The following USP25 variants were observed in gnomAD, a reference collection of about 807,000 sequenced individuals.
USP25 encodes ubiquitin specific peptidase 25, also known as ubiquitin carboxyl-terminal hydrolase 25.
In USP25, 85 loss-of-function variants were observed where a neutral mutation model predicts 158.5. The observed-to-expected ratio is 0.54, with a 90% confidence interval of 0.45 to 0.64. The LOEUF (loss-of-function observed/expected upper bound fraction) is 0.64. USP25 is among the 30% of genes least tolerant of loss of function. The probability of loss-of-function intolerance (pLI) is 0.00; values close to 1 mark genes in which losing one functional copy is unlikely to be tolerated. For synonymous variants in USP25, 464 were observed against 460.4 expected (o/e 1.01, Z -0.10); for missense variants, 1,242 against 1,327.3 (o/e 0.94, Z 1.00).
At position 15,750,829 on chromosome 21, in the gene USP25, A is replaced by G. The variant is rs565175718; in HGVS notation, c.46-12062A>G. 4.7e-5 allele frequency among the ~76,000 whole-genome samples: 7 copies of G among 148,898 alleles called. No homozygotes were observed. In the South Asian group the frequency reaches 8.4e-4, roughly 18 times the overall value. On this transcript the variant is annotated intron_variant, in intron 1 of 25. Coordinates refer to ENST00000400183, the MANE Select transcript of USP25 (RefSeq NM_001283041.3). Reference sequence around the variant, plus strand: ...CACCGTGTTAGCCAGGATGGTCTCAATCTCCTGACCTTGTGATCCGTCTGC... The same window carrying G: ...CACCGTGTTAGCCAGGATGGTCTCAGTCTCCTGACCTTGTGATCCGTCTGC...
Position 15,874,428 on chromosome 21 carries a change from A to G in USP25, c.2911A>G (p.Ile971Val), listed in dbSNP as rs538889339. Reference sequence around the variant, plus strand: ...TTATATAGATTCCTTGCTGTTCCTCATCTGTGCTTATCAGAATAACAAAGA... The same window carrying G: ...TTATATAGATTCCTTGCTGTTCCTCGTCTGTGCTTATCAGAATAACAAAGA... ...ESYIDSLLFL[I>V]CAYQNNKELL... Residue 971 changes from isoleucine (I) to valine (V), a missense_variant, in exon 24 of 26, where the codon ATC (isoleucine) becomes GTC (valine). By Grantham distance (29) the Ile-to-Val change is conservative. Around this residue, in one of 3 missense-constraint regions of USP25, gnomAD observed 608 missense variants for 605.2 expected, o/e 1.00. Transcript: ENST00000400183. 9.9e-6 allele frequency: 16 copies of G among 1,608,980 alleles called. No individual in the cohort carries two copies. Among genetic ancestry groups the G allele is most frequent in the Non-Finnish European group, 1.2e-5 (14 of 1,177,060 alleles).
intron 3 of USP25, chr21:15,773,125 A>G (rs2034449388): frequency 6.6e-6 from 1 of 152,226 alleles, no homozygotes; most frequent in African/African-American, 2.4e-5. Context: ...AAGGACTACT[A>G]TTCCTCTATA....
intron 4 of USP25, among the ~76,000 whole-genome samples, chr21:15,790,940 T>C (rs539985835): frequency 6.6e-5 from 10 of 152,010 alleles, no homozygotes; most frequent in East Asian, 1.9e-4. Context: ...AGGCAAACTT[T>C]TGGGCAAGGC....
At chr21:15,740,632 T>C (rs2031947894) in intron 1 of USP25, among the ~76,000 whole-genome samples, 1 of 147,672 alleles carries the variant, frequency 6.8e-6, no homozygotes, top group African/African-American at 2.5e-5. Context: ...TTCCTGTTTC[T>C]TTCTGGCTGT....
At chr21:15,763,074 T>G (rs1055983626) in intron 2 of USP25, 106 bp downstream of exon 2, 2 of 1,019,584 alleles carry the variant, frequency 2.0e-6, no homozygotes, top group African/African-American at 3.3e-5. Flanking sequence ...TGTGGTAGTT[T>G]TAGAGATACA....
intron 10 of USP25, among the ~76,000 whole-genome samples, chr21:15,822,596 A>C (rs144598929): frequency 1.3e-5 from 2 of 151,954 alleles, no homozygotes; most frequent in Non-Finnish European, 2.9e-5. Flanking sequence ...CTTGAAATCT[A>C]CTTTCTTGTT....
chr21:15,741,810 ACAATTTTTTTTGTTT>A (rs2032084216), intron 1 of USP25, among the ~76,000 whole-genome samples: 2 of 152,218 alleles, frequency 1.3e-5, no homozygotes, highest in African/African-American at 4.8e-5. Context: ...TTGAGATTGC[ACAATTTTTTTTGTTT>A]GCTTGTTTAA....
intron 4 of USP25, among the ~76,000 whole-genome samples, chr21:15,782,985 A>G (rs1487919708): frequency 6.6e-6 from 1 of 152,216 alleles, no homozygotes; most frequent in African/African-American, 2.4e-5. Context: ...TTGTAAGAGA[A>G]TACAACAATT....
chr21:15,863,791 C>CT (rs2039533892), intron 20 of USP25, among the ~76,000 whole-genome samples: 1 of 150,904 alleles, frequency 6.6e-6, no homozygotes, highest in African/African-American at 2.4e-5. Flanking sequence ...AATCCCAGCA[C>CT]TTTGGGAGGC....
intron 7 of USP25, among the ~76,000 whole-genome samples, chr21:15,808,190 C>A (rs779098580): frequency 6.6e-6 from 1 of 152,092 alleles, no homozygotes; most frequent in Non-Finnish European, 1.5e-5. Flanking sequence ...TTCCAACTCA[C>A]GTTATTGAAA....
chr21:15,780,895 G>C (rs191742971), intron 4 of USP25, among the ~76,000 whole-genome samples: 6 of 152,340 alleles, frequency 3.9e-5, no homozygotes, highest in Admixed American at 1.3e-4. Flanking sequence ...GAGGATTTCG[G>C]TGCTCAATAA....
intron 23 of USP25, among the ~76,000 whole-genome samples, chr21:15,873,525 G>T (rs895315376): frequency 6.6e-6 from 1 of 151,186 alleles, no homozygotes; most frequent in Non-Finnish European, 1.5e-5. Flanking sequence ...TTTTGAGACG[G>T]AGTTTTGCTC....
At chr21:15,828,274 A>AATCAAGCAAATAGTGTTGATGAAG (rs2037624684) in intron 14 of USP25, among the ~76,000 whole-genome samples, 1 of 152,214 alleles carries the variant, frequency 6.6e-6, no homozygotes, top group South Asian at 2.1e-4. Context: ...AACAAACATT[A>AATCAAGCAAATAGTGTTGATGAAG]ATCAAGCAAA....
chr21:15,859,705 A>G (rs2039332288), intron 20 of USP25, among the ~76,000 whole-genome samples: 1 of 151,988 alleles, frequency 6.6e-6, no homozygotes, highest in African/African-American at 2.4e-5. Flanking sequence ...ATTTTTCTAG[A>G]TTATTATCTG....
rs776724432 is a variant in USP25 at position 15,842,408 on chromosome 21, A to G, written c.2205A>G (p.Ala735=). 5.6e-6 allele frequency: 9 copies of G among 1,613,426 alleles called. No individual in the cohort carries two copies. Among genetic ancestry groups the G allele is most frequent in the Non-Finnish European group, 7.6e-6 (9 of 1,179,678 alleles). ...TCTTTTCTCATGAAGCACAAGCAGCAGGAGACCCAGAATATCTAGAGCAGC... is the reference window on the plus strand; with the variant it reads ...TCTTTTCTCATGAAGCACAAGCAGCGGGAGACCCAGAATATCTAGAGCAGC... The part of the protein sequence containing the change: ...SETSVTTAQA[A]GDPEYLEQPS... Residue 735 remains alanine (A), a synonymous_variant, in exon 18 of 26, where the codon GCA becomes GCG. Coordinates refer to ENST00000400183, the MANE Select transcript of USP25 (RefSeq NM_001283041.3).
At chr21:15,830,027 GT>G (rs1445614165) in intron 14 of USP25, among the ~76,000 whole-genome samples, 3 of 152,086 alleles carry the variant, frequency 2.0e-5, no homozygotes, top group Non-Finnish European at 4.4e-5. Flanking sequence ...CAATATGACT[GT>G]GAACATCCCT....
At chr21:15,754,022 C>A (rs991785165) in intron 1 of USP25, among the ~76,000 whole-genome samples, 1 of 152,170 alleles carries the variant, frequency 6.6e-6, no homozygotes, top group Non-Finnish European at 1.5e-5. Context: ...AAAGTTGTTG[C>A]AACCCTCTTG....
At chr21:15,857,725 C>G (rs1305986489) in intron 20 of USP25, among the ~76,000 whole-genome samples, 1 of 151,826 alleles carries the variant, frequency 6.6e-6, no homozygotes, top group Non-Finnish European at 1.5e-5. Flanking sequence ...TTTTTTAGAT[C>G]TTATAAAATA....
At chr21:15,872,018 T>C (rs58349731) in intron 23 of USP25, among the ~76,000 whole-genome samples, 1 of 133,814 alleles carries the variant, frequency 7.5e-6, no homozygotes, top group African/African-American at 2.9e-5. Flanking sequence ...AATACTGTTT[T>C]TTTTTTTTTT....
Sources: allele counts gnomAD v4.1 joint callset (sites outside exome capture counted in the v4.1 genomes callset), GRCh38; gene constraint gnomAD v4.1.1; regional missense constraint gnomAD v4.1.1; transcripts MANE v1.5; gene names NCBI Gene and HGNC (gene_info 2026-07-23, HGNC 2026-07-21).